Variants in MTA3 observed in about 807,000 individuals in gnomAD.
The protein encoded by MTA3 is metastasis-associated protein MTA3.
MTA3 carries 34 observed loss-of-function variants against 83.5 expected under a neutral mutation model. The observed-to-expected ratio is 0.41, with a 90% CI of 0.31 to 0.54. MTA3 has a LOEUF of 0.54. MTA3 is among the 20% of genes least tolerant of loss of function. MTA3 has a pLI of 0.33. For missense variants in MTA3, 761 were observed against 726.4 expected (o/e 1.05, Z -0.55); for synonymous variants, 303 against 252.7 (o/e 1.20, Z -1.89).
Position 42,659,757 on chromosome 2 carries a change from A to G in MTA3, c.603-6A>G, listed in dbSNP as rs374348670. Reference sequence around the variant, plus strand: ...TTCTTCCTTATTGTGTTTGTGGTTTATTCAGTGCTGTTGGGACATTCGCCA... The same window carrying G: ...TTCTTCCTTATTGTGTTTGTGGTTTGTTCAGTGCTGTTGGGACATTCGCCA... On this transcript the variant is annotated splice_region_variant and splice_polypyrimidine_tract_variant and intron_variant, in intron 7 of 16. Coordinates refer to ENST00000405094, the MANE Select transcript of MTA3 (RefSeq NM_001330442.2). 159 of 1,570,478 alleles carry G rather than the reference A, an allele frequency of 1.0e-4. 1 individual carries two copies. The highest frequency in any genetic ancestry group is 1.3e-4 in the Non-Finnish European group (146 of 1,159,442).
At position 42,754,195 on chromosome 2, in the gene MTA3, G is replaced by T. The variant is rs1670086440; in HGVS notation, c.*796G>T. ...TGTGTATCACTGTGACAAGCCGTTTGCTTACTGCCCTGTTCCCTTGCAGCC... is the reference window on the plus strand; with the variant it reads ...TGTGTATCACTGTGACAAGCCGTTTTCTTACTGCCCTGTTCCCTTGCAGCC... On this transcript the variant is annotated 3_prime_UTR_variant, in exon 17 of 17. Coordinates refer to ENST00000405094, the MANE Select transcript of MTA3 (RefSeq NM_001330442.2). 4.1e-6 allele frequency: 4 copies of T among 985,376 alleles called. No homozygotes were observed. The highest frequency in any genetic ancestry group is 9.4e-5 in the South Asian group (2 of 21,298). 61.0% of individuals were successfully genotyped at this position (985,376 alleles called of 1,614,324 possible).
At chr2:42,720,887 G>A (rs551978056) in intron 15 of MTA3, among the ~76,000 whole-genome samples, 12 of 147,372 alleles carry the variant, frequency 8.1e-5, no homozygotes, top group African/African-American at 2.8e-4. Flanking sequence ...AGGAGGCAGA[G>A]GTTGCAGTGA....
At chr2:42,626,584 C>T (rs1686125379) in intron 4 of MTA3, among the ~76,000 whole-genome samples, 1 of 152,096 alleles carries the variant, frequency 6.6e-6, no homozygotes, top group Non-Finnish European at 1.5e-5. Context: ...GCGTGGGCCA[C>T]CGCACCTGGC....
At chr2:42,578,461 A>G (rs537858058) in intron 2 of MTA3, among the ~76,000 whole-genome samples, 1 of 152,328 alleles carries the variant, frequency 6.6e-6, no homozygotes, top group South Asian at 2.1e-4. Context: ...CAAGGTTTTT[A>G]ATATTTTTAG....
intron 2 of MTA3, among the ~76,000 whole-genome samples, chr2:42,507,676 C>G (rs1253006537): frequency 6.6e-6 from 1 of 150,724 alleles, no homozygotes; most frequent in Admixed American, 6.6e-5. Context: ...CACCTGTAAT[C>G]CCAACACTTC....
chr2:42,668,958 G>T (rs1690537064), intron 8 of MTA3, among the ~76,000 whole-genome samples: 1 of 151,978 alleles, frequency 6.6e-6, no homozygotes, highest in African/African-American at 2.4e-5. Context: ...AGATACTAAC[G>T]CTTTATAAAA....
intron 8 of MTA3, among the ~76,000 whole-genome samples, chr2:42,666,836 A>G (rs961966279): frequency 1.3e-5 from 2 of 152,204 alleles, no homozygotes; most frequent in Admixed American, 1.3e-4. Context: ...TTTGAGAATG[A>G]GTAAATTAGC....
chr2:42,741,301 C>T (rs140300123), intron 16 of MTA3, among the ~76,000 whole-genome samples: 117 of 152,318 alleles, frequency 7.7e-4, no homozygotes, highest in Admixed American at 4.4e-3. Context: ...GCCACTTTCT[C>T]CTTATCAGCA....
intron 6 of MTA3, among the ~76,000 whole-genome samples, chr2:42,645,128 A>T (rs1688050848): frequency 6.7e-6 from 1 of 148,560 alleles, no homozygotes; most frequent in African/African-American, 2.5e-5. Context: ...GGAAATTAAA[A>T]GTGCTACTCC....
At chr2:42,545,790 G>A (rs1346338298) in intron 2 of MTA3, among the ~76,000 whole-genome samples, 1 of 152,132 alleles carries the variant, frequency 6.6e-6, no homozygotes, top group Non-Finnish European at 1.5e-5. Flanking sequence ...GGACATTGAG[G>A]CTCATGGATT....
upstream of MTA3, among the ~76,000 whole-genome samples, chr2:42,565,526 G>C (rs1437727575): frequency 6.6e-6 from 1 of 152,042 alleles, no homozygotes; most frequent in Non-Finnish European, 1.5e-5. Context: ...GAACTACCTT[G>C]TATGTGGTTC....
At position 42,541,254 on chromosome 2, in the gene MTA3, C is replaced by T. The variant is rs553766176; in HGVS notation, c.-140-29183C>T. On this transcript the variant is annotated intron_variant, in intron 2 of 17. Coordinates refer to the MTA3 transcript ENST00000405592. ...CCGTGTTGGTCAGGCTGGTCTCGAA[C>T]TCCCGACCTCAGGTGATCCACCCGC... is the stretch of plus-strand genomic sequence containing the variant. 3.4e-3 allele frequency among the ~76,000 whole-genome samples: 520 copies of T among 152,284 alleles called. 2 individuals carry two copies. Among genetic ancestry groups the T allele is most frequent in the Non-Finnish European group, 5.6e-3 (382 of 68,016 alleles).
At position 42,519,696 on chromosome 2, in the gene MTA3, T is replaced by C. The variant is rs148120154; in HGVS notation, c.-141+24442T>C. On this transcript the variant is annotated intron_variant, in intron 2 of 17. Coordinates refer to the MTA3 transcript ENST00000405592. ...GCTGAGGATCACTTGAGCCCAGGAA[T>C]TTGAGACCAGCCTGGGCAACATAAC... is the stretch of plus-strand genomic sequence containing the variant. Among the ~76,000 whole-genome samples, 50 of 151,990 alleles carry C rather than the reference T, an allele frequency of 3.3e-4. No homozygotes were observed. The East Asian group carries it at 8.3e-3, about 25-fold the overall frequency.
At chr2:42,595,957 A>G (rs931601786) in intron 3 of MTA3, among the ~76,000 whole-genome samples, 3 of 152,176 alleles carry the variant, frequency 2.0e-5, no homozygotes, top group Admixed American at 2.0e-4. Flanking sequence ...TTTGTCTGTG[A>G]TTCATTCTGC....
chr2:42,553,423 C>A lies in MTA3; in HGVS notation c.-140-17014C>A, dbSNP rs866303762. On this transcript the variant is annotated intron_variant, in intron 2 of 17. Coordinates refer to the MTA3 transcript ENST00000405592. ...TGGGCGAGAGAGCGAGACTCCATCT[C>A]AAAAAAAAAAAAAAATTAGGCTGGG... Among the ~76,000 whole-genome samples, 352 of 122,516 alleles carry A rather than the reference C, an allele frequency of 2.9e-3. 2 individuals are homozygous for A. Among genetic ancestry groups the A allele is most frequent in the African/African-American group, 7.5e-3 (238 of 31,682 alleles). The allele number at this position is 122,516 out of a possible 152,430, so 80.4% of individuals were successfully genotyped here.
At chr2:42,609,219 TG>T (rs1683882925) in intron 3 of MTA3, among the ~76,000 whole-genome samples, 2 of 151,804 alleles carry the variant, frequency 1.3e-5, no homozygotes, top group Non-Finnish European at 2.9e-5. Flanking sequence ...TTAGTAGAGA[TG>T]GGGTTTCGCC....
intron 2 of MTA3, among the ~76,000 whole-genome samples, chr2:42,528,538 T>C (rs1364371574): frequency 2.0e-5 from 3 of 152,178 alleles, no homozygotes; most frequent in Non-Finnish European, 2.9e-5. Flanking sequence ...AATTTCTAAA[T>C]GGCATGTGTC....
intron 11 of MTA3, among the ~76,000 whole-genome samples, chr2:42,700,774 C>T (rs1693799495): frequency 1.3e-5 from 2 of 152,206 alleles, no homozygotes. Flanking sequence ...AGCTGAAAAC[C>T]GTAAGAAGAG....
chr2:42,524,478 T>TTG (rs1675582080), intron 2 of MTA3, among the ~76,000 whole-genome samples: 1 of 113,444 alleles, frequency 8.8e-6, no homozygotes, highest in African/African-American at 3.5e-5. Flanking sequence ...TTGTGTTTTT[T>TTG]TTTTTTTTTT....
Sources: gnomAD v4.1 joint callset for allele counts (sites outside exome capture counted in the v4.1 genomes callset) on GRCh38, gnomAD v4.1.1 for gene constraint, MANE v1.5 for transcripts, NCBI Gene and HGNC (gene_info 2026-07-23, HGNC 2026-07-21) for gene names.